RLIG1: variants seen among roughly 807,000 people sequenced by gnomAD.
RLIG1 encodes the protein RNA 5'-phosphate and 3'-OH ligase 1, also known as RNA ligase 1.
At chr12:88,041,502 T>G in the RLIG1 span, among the ~76,000 whole-genome samples, 1 of 152,204 alleles carries the variant, frequency 6.6e-6, no homozygotes, top group East Asian at 1.9e-4. Flanking sequence ...TATACTGTTT[T>G]GCATAGTGGC....
At chr12:88,044,997 T>G in the RLIG1 span, 1 of 152,568 alleles carries the variant, frequency 6.6e-6, no homozygotes, top group Non-Finnish European at 1.5e-5. Flanking sequence ...CAAAAGCAAA[T>G]TTAAGTTTTA....
chr12:88,040,353 C>A, the RLIG1 span: 1 of 729,902 alleles, frequency 1.4e-6, no homozygotes, highest in Non-Finnish European at 2.2e-6. Context: ...ATTTGCTCTT[C>A]ATAAACACTT....
At chr12:88,038,758 T>C in the RLIG1 span, among the ~76,000 whole-genome samples, 1 of 152,160 alleles carries the variant, frequency 6.6e-6, no homozygotes, top group African/African-American at 2.4e-5. Flanking sequence ...AAGGATAGAA[T>C]AGTTCTGAAA....
chr12:88,045,638 A>G, the RLIG1 span: 1 of 1,612,962 alleles, frequency 6.2e-7, no homozygotes, highest in Non-Finnish European at 8.5e-7. Flanking sequence ...CTCTGTAGTT[A>G]ATTATGAATT....
the RLIG1 span, chr12:88,035,699 G>C: frequency 3.1e-6 from 5 of 1,607,884 alleles, no homozygotes; most frequent in Non-Finnish European, 4.2e-6. Flanking sequence ...TGTTTGTGAC[G>C]GAGGTGAAAG....
chr12:88,035,683 CGT>C, the RLIG1 span: 4 of 1,609,080 alleles, frequency 2.5e-6, no homozygotes, highest in South Asian at 4.4e-5. Flanking sequence ...CGGAAAATGC[CGT>C]GTGTGTTTGT....
chr12:88,049,373 A>G, the RLIG1 span: 2 of 1,555,620 alleles, frequency 1.3e-6, no homozygotes, highest in South Asian at 2.4e-5. Flanking sequence ...AAAATGAAGG[A>G]TCAAAATTTT....
At chr12:88,043,288 A>G in the RLIG1 span, among the ~76,000 whole-genome samples, 1 of 152,240 alleles carries the variant, frequency 6.6e-6, no homozygotes, top group South Asian at 2.1e-4. Context: ...ATATCTATGC[A>G]TTCATGTATT....
At chr12:88,048,347 G>GTGTT in the RLIG1 span, 2 of 1,601,460 alleles carry the variant, frequency 1.2e-6, no homozygotes, top group East Asian at 2.3e-5. Context: ...TTGATATTAA[G>GTGTT]TGTTTGTTTA....
At chr12:88,041,766 A>G in the RLIG1 span, 8 of 152,350 alleles carry the variant, frequency 5.3e-5, no homozygotes, top group African/African-American at 1.9e-4. Flanking sequence ...GCTAATAAGT[A>G]GTACAGAATA....
the RLIG1 span, among the ~76,000 whole-genome samples, chr12:88,037,744 T>G: frequency 6.6e-6 from 1 of 152,214 alleles, no homozygotes; most frequent in African/African-American, 2.4e-5. Flanking sequence ...CAATAGTGCA[T>G]AAGTCTTAAG....
the RLIG1 span, among the ~76,000 whole-genome samples, chr12:88,040,607 G>A: frequency 6.6e-6 from 1 of 152,124 alleles, no homozygotes. Flanking sequence ...ACCCAATAGT[G>A]ACTGAATGGC....
chr12:88,048,192 AGT>A, the RLIG1 span: 12 of 1,405,618 alleles, frequency 8.5e-6, no homozygotes, highest in South Asian at 1.9e-4. Flanking sequence ...GAATGAAGAT[AGT>A]ATCTGTATGC....
chr12:88,041,866 T>G, the RLIG1 span: 1 of 152,188 alleles, frequency 6.6e-6, no homozygotes, highest in South Asian at 2.1e-4. Context: ...TGATGTCTAT[T>G]AAGAAACTAT....
chr12:88,047,747 C>G, the RLIG1 span, among the ~76,000 whole-genome samples: 1 of 152,152 alleles, frequency 6.6e-6, no homozygotes, highest in East Asian at 1.9e-4. Context: ...GATCTGGCCC[C>G]TACTTAATTT....
chr12:88,040,856 A>G, the RLIG1 span, among the ~76,000 whole-genome samples: 1 of 152,162 alleles, frequency 6.6e-6, no homozygotes, highest in Non-Finnish European at 1.5e-5. Context: ...AGAAAAAAAT[A>G]GCATCTGGAC....
the RLIG1 span, among the ~76,000 whole-genome samples, chr12:88,038,676 A>G: frequency 1.3e-5 from 2 of 152,204 alleles, no homozygotes; most frequent in African/African-American, 2.4e-5. Context: ...GGCAGATAAT[A>G]TATTTTCCTA....
the RLIG1 span, among the ~76,000 whole-genome samples, chr12:88,041,361 G>A: frequency 6.6e-6 from 1 of 152,088 alleles, no homozygotes; most frequent in Non-Finnish European, 1.5e-5. Context: ...CTGGACAGTT[G>A]GGTTGCTTTC....
the RLIG1 span, among the ~76,000 whole-genome samples, chr12:88,041,464 T>C: frequency 6.6e-6 from 1 of 152,188 alleles, no homozygotes; most frequent in African/African-American, 2.4e-5. Flanking sequence ...CTGGATGATA[T>C]GGAAATTCTG....
Sources: gnomAD v4.1 joint callset for allele counts (sites outside exome capture counted in the v4.1 genomes callset) on GRCh38, gnomAD v4.1.1 for gene constraint, MANE v1.5 for transcripts, NCBI Gene and HGNC (gene_info 2026-07-23, HGNC 2026-07-21) for gene names.